Variants in PALM2AKAP2 observed in about 807,000 individuals in gnomAD.
PALM2AKAP2 encodes the protein PALM2-AKAP2 fusion protein.
A neutral mutation model predicts 71.5 loss-of-function variants in PALM2AKAP2; 37 were observed. That is an observed-to-expected ratio of 0.52 (90% CI 0.40 to 0.68). The LOEUF is 0.68. Among genes scored for constraint, PALM2AKAP2 ranks in the 30% least tolerant of loss-of-function variants. The probability of loss-of-function intolerance (pLI) is 0.00; values close to 1 mark genes in which losing one functional copy is unlikely to be tolerated. For synonymous variants in PALM2AKAP2, 468 were observed against 478.8 expected (o/e 0.98, Z 0.29); for missense variants, 1,224 against 1,191.8 (o/e 1.03, Z -0.40).
chr9:109,873,224 A>G (rs1470776666), intron 2 of PALM2AKAP2, among the ~76,000 whole-genome samples: 7 of 152,152 alleles, frequency 4.6e-5, no homozygotes, highest in Non-Finnish European at 7.3e-5. Context: ...ACACTTTGGG[A>G]GGCCAAGGCG....
At chr9:110,090,139 C>A (rs1026027642) in intron 1 of PALM2AKAP2, 1 of 298,474 alleles carries the variant, frequency 3.4e-6, no homozygotes, top group Non-Finnish European at 6.8e-6. Flanking sequence ...ACCTTTGAAC[C>A]GGAGAAGTCG....
At chr9:109,855,970 T>G (rs2131643211) in intron 1 of PALM2AKAP2, among the ~76,000 whole-genome samples, 1 of 152,330 alleles carries the variant, frequency 6.6e-6, no homozygotes, top group East Asian at 1.9e-4. Flanking sequence ...ATTGCAATTA[T>G]TAACAAAGTG....
chr9:109,886,111 G>A (rs984277227), intron 3 of PALM2AKAP2, among the ~76,000 whole-genome samples: 3 of 152,178 alleles, frequency 2.0e-5, no homozygotes, highest in Non-Finnish European at 4.4e-5. Context: ...ATCTGTAGAC[G>A]TTTCCTTTTT....
chr9:110,101,159 T>A lies in PALM2AKAP2; in HGVS notation c.157-34968T>A, dbSNP rs538684315. ...CTGGGGTCCGTTGCACAAGTGTGTGTCTTTTTACCAGGTCTTATCCCCGCT... is the reference window on the plus strand; with the variant it reads ...CTGGGGTCCGTTGCACAAGTGTGTGACTTTTTACCAGGTCTTATCCCCGCT... On this transcript the variant is annotated intron_variant, in intron 1 of 3. Coordinates refer to ENST00000374525, the Ensembl canonical transcript of PALM2AKAP2. Among the ~76,000 whole-genome samples the A allele has an allele frequency of 6.6e-5, 10 of 152,302 alleles. No individual in the cohort carries two copies. The South Asian group carries it at 2.1e-3, about 32-fold the overall frequency.
intron 1 of PALM2AKAP2, among the ~76,000 whole-genome samples, chr9:109,675,547 CTT>C (rs1398592287): frequency 3.3e-5 from 5 of 152,086 alleles, no homozygotes; most frequent in Non-Finnish European, 5.9e-5. Flanking sequence ...TTAATCATCT[CTT>C]TTTCTTTTTA....
At chr9:110,056,836 A>G (rs758353209) in intron 1 of PALM2AKAP2, among the ~76,000 whole-genome samples, 6 of 152,166 alleles carry the variant, frequency 3.9e-5, no homozygotes, top group Admixed American at 6.5e-5. Flanking sequence ...CACAATGTGT[A>G]TATCATTTTA....
At chr9:109,861,246 GCATCTCCTA>G in intron 1 of PALM2AKAP2, among the ~76,000 whole-genome samples, 1 of 152,204 alleles carries the variant, frequency 6.6e-6, no homozygotes, top group Admixed American at 6.5e-5. Context: ...CCACAGCCTG[GCATCTCCTA>G]GTGCTCCAGT....
chr9:109,705,909 G>A lies in PALM2AKAP2; in HGVS notation c.5+65043G>A, dbSNP rs572019571. Among the ~76,000 whole-genome samples the A allele has an allele frequency of 2.0e-5, 3 of 152,230 alleles. No individual in the cohort carries two copies. The South Asian group carries it at 6.2e-4, about 32-fold the overall frequency. On this transcript the variant is annotated intron_variant, in intron 1 of 6. Transcript: ENST00000374531. ...TTGAATTAACTGAATCCACTATTAA[G>A]AACAGCAATTATGTCACTATAATTC...
intron 6 of PALM2AKAP2, among the ~76,000 whole-genome samples, chr9:110,000,006 A>G (rs528728990): frequency 5.6e-4 from 74 of 131,936 alleles, no homozygotes; most frequent in African/African-American, 1.9e-3. Flanking sequence ...ATTTTTCTCT[A>G]TTTTTTTTCT....
intron 2 of PALM2AKAP2, among the ~76,000 whole-genome samples, chr9:109,877,714 G>A (rs1170724339): frequency 1.3e-5 from 2 of 152,158 alleles, no homozygotes. Context: ...TTTTACAGAT[G>A]AGAAAACTGA....
At chr9:110,126,397 C>T (rs1411421167) in intron 1 of PALM2AKAP2, among the ~76,000 whole-genome samples, 1 of 152,170 alleles carries the variant, frequency 6.6e-6, no homozygotes, top group African/African-American at 2.4e-5. Context: ...AAAAACTAGG[C>T]TTGCTTTTGT....
intron 6 of PALM2AKAP2, among the ~76,000 whole-genome samples, chr9:109,977,865 G>A (rs191774897): frequency 6.6e-6 from 1 of 152,154 alleles, no homozygotes; most frequent in East Asian, 1.9e-4. Flanking sequence ...TTGAAATAGG[G>A]ATAAACAGAC....
chr9:109,737,589 A>G (rs1027690485), intron 1 of PALM2AKAP2, among the ~76,000 whole-genome samples: 1 of 152,252 alleles, frequency 6.6e-6, no homozygotes, highest in African/African-American at 2.4e-5. Flanking sequence ...GAAAGGTTGA[A>G]GGAAAACAGG....
chr9:109,754,546 T>G (rs1224365098), intron 1 of PALM2AKAP2, among the ~76,000 whole-genome samples: 1 of 152,134 alleles, frequency 6.6e-6, no homozygotes, highest in African/African-American at 2.4e-5. Flanking sequence ...CTCCTTCCCA[T>G]CTGTCTTAGT....
intron 1 of PALM2AKAP2, among the ~76,000 whole-genome samples, chr9:110,130,491 G>A (rs1268943063): frequency 2.6e-5 from 4 of 152,216 alleles, no homozygotes; most frequent in East Asian, 1.9e-4. Context: ...AAATAAAGGC[G>A]ACTTTAGTTG....
intron 1 of PALM2AKAP2, among the ~76,000 whole-genome samples, chr9:110,062,271 G>C (rs528514995): frequency 2.0e-5 from 3 of 151,980 alleles, no homozygotes; most frequent in Admixed American, 2.0e-4. Flanking sequence ...AGGCCCCAGT[G>C]TGTGTTGTTC....
chr9:109,691,485 G>T (rs557321382), intron 1 of PALM2AKAP2, among the ~76,000 whole-genome samples: 1 of 151,996 alleles, frequency 6.6e-6, no homozygotes, highest in East Asian at 1.9e-4. Flanking sequence ...ACCTGTATTT[G>T]AACAGGTAGG....
At chr9:110,124,660 A>G (rs17806439) in intron 1 of PALM2AKAP2, among the ~76,000 whole-genome samples, 9,002 of 152,180 alleles carry the variant, frequency 0.059, 382 homozygotes, top group South Asian at 0.14. Flanking sequence ...TGATGTCTCT[A>G]CTCAAGGCAA....
intron 5 of PALM2AKAP2, among the ~76,000 whole-genome samples, chr9:109,926,419 C>T (rs1032482178): frequency 3.9e-5 from 6 of 152,116 alleles, no homozygotes; most frequent in South Asian, 4.1e-4. Context: ...CTAGGAAAAG[C>T]GGACCTACAA....
Sources: allele counts gnomAD v4.1 joint callset (sites outside exome capture counted in the v4.1 genomes callset), GRCh38; gene constraint gnomAD v4.1.1; transcripts MANE v1.5; gene names NCBI Gene and HGNC (gene_info 2026-07-23, HGNC 2026-07-21).